The following METTL14 variants were observed in gnomAD, a reference collection of about 807,000 sequenced individuals.
METTL14 encodes methyltransferase 14, N6-adenosine-methyltransferase non-catalytic subunit, also known as N(6)-adenosine-methyltransferase non-catalytic subunit METTL14.
In METTL14, 32 loss-of-function variants were observed where a neutral mutation model predicts 62.4. That is an observed-to-expected ratio of 0.51 (90% CI 0.39 to 0.69). The LOEUF (loss-of-function observed/expected upper bound fraction) is 0.69. Among genes scored for constraint, METTL14 ranks in the 30% least tolerant of loss-of-function variants. METTL14 has a pLI of 0.00. For synonymous variants in METTL14, 150 were observed against 180.0 expected (o/e 0.83, Z 1.34); for missense variants, 340 against 551.9 (o/e 0.62, Z 3.85).
chr4:118,686,409 T>C (rs1053535334), intron 1 of METTL14: 2 of 321,852 alleles, frequency 6.2e-6, no homozygotes, highest in African/African-American at 4.3e-5. Context: ...TATTTTCCAT[T>C]CTACTATTCA....
rs185311798 is a variant in METTL14, at chr4:118,707,926, C to T, written c.1067-2072C>T. On this transcript the variant is annotated intron_variant, in intron 10 of 10. Transcript: ENST00000388822. Reference sequence around the variant, plus strand: ...TTGGCTCACTGCAACCCCCGCCTCCCAGGTTCAAGTGATTCAGCCTCCTGA... The same window carrying T: ...TTGGCTCACTGCAACCCCCGCCTCCTAGGTTCAAGTGATTCAGCCTCCTGA... Among the ~76,000 whole-genome samples the T allele has an allele frequency of 1.5e-3, 226 of 151,834 alleles. 1 individual carries two copies. The highest frequency in any genetic ancestry group is 2.8e-3 in the Non-Finnish European group (189 of 67,922).
intron 6 of METTL14, among the ~76,000 whole-genome samples, chr4:118,696,087 C>G (rs1232466116): frequency 8.2e-6 from 1 of 122,380 alleles, no homozygotes; most frequent in Non-Finnish European, 1.6e-5. Flanking sequence ...CCACTGCACT[C>G]CAGCCTGGCA....
At chr4:118,703,698 A>G (rs1202544464) in intron 8 of METTL14, among the ~76,000 whole-genome samples, 1 of 152,208 alleles carries the variant, frequency 6.6e-6, no homozygotes, top group Non-Finnish European at 1.5e-5. Flanking sequence ...ATGTTTTGAT[A>G]TTTAACTATA....
chr4:118,693,063 A>G (rs1409141256), intron 5 of METTL14, among the ~76,000 whole-genome samples: 2 of 151,912 alleles, frequency 1.3e-5, no homozygotes, highest in South Asian at 2.1e-4. Flanking sequence ...TCTGACAACT[A>G]CTCTCTTGTG....
intron 5 of METTL14, 64 bp from the exon 6 acceptor site, chr4:118,694,371 CT>C (rs901926554): frequency 3.9e-5 from 51 of 1,322,462 alleles, no homozygotes; most frequent in Non-Finnish European, 5.0e-5. Flanking sequence ...GGGCTCATAA[CT>C]TTTGAATTAC....
intron 3 of METTL14, among the ~76,000 whole-genome samples, chr4:118,689,683 G>T (rs1184660187): frequency 4.9e-5 from 7 of 144,274 alleles, no homozygotes; most frequent in Non-Finnish European, 1.0e-4. Flanking sequence ...TCGCTCTGTC[G>T]CCAGGCTGGA....
chr4:118,712,604 A>C lies in METTL14; in HGVS notation c.*2302A>C, dbSNP rs1283462027. The C allele has an allele frequency of 6.7e-6, 1 of 149,772 alleles. No homozygotes were observed. The highest frequency in any genetic ancestry group is 1.5e-5 in the Non-Finnish European group (1 of 67,436). The allele number at this position is 149,772 out of a possible 1,614,324, so 9.3% of individuals were successfully genotyped here. A position where few individuals can be genotyped will look rare whatever the true frequency, so the allele number is the denominator to read the frequency against. ...CACTGCACTCCAGCCTGGGCGACAG[A>C]GTGAGACTCTGTCTCAAAAAAAAAA... On this transcript the variant is annotated 3_prime_UTR_variant, in exon 11 of 11. Coordinates refer to ENST00000388822, the MANE Select transcript of METTL14 (RefSeq NM_020961.4).
chr4:118,708,093 G>C (rs1026690704), intron 10 of METTL14, among the ~76,000 whole-genome samples: 27 of 152,014 alleles, frequency 1.8e-4, no homozygotes, highest in Non-Finnish European at 5.9e-5. Flanking sequence ...CAAATTGCTG[G>C]GATTACAAGT....
At chr4:118,702,010 A>G (rs954799099) in intron 8 of METTL14, among the ~76,000 whole-genome samples, 2 of 151,976 alleles carry the variant, frequency 1.3e-5, no homozygotes, top group Middle Eastern at 3.2e-3. Context: ...CGAAACATAC[A>G]TGTTTTTATA....
At chr4:118,705,873 A>G in intron 10 of METTL14, 52 bp downstream of exon 10, 1 of 1,319,462 alleles carries the variant, frequency 7.6e-7, no homozygotes, top group Non-Finnish European at 1.1e-6. Flanking sequence ...TATGCATGTC[A>G]AGAAATAGGA....
At chr4:118,702,892 C>T (rs1724639578) in intron 8 of METTL14, among the ~76,000 whole-genome samples, 1 of 148,074 alleles carries the variant, frequency 6.8e-6, no homozygotes, top group South Asian at 2.1e-4. Flanking sequence ...TCAGGGGGAA[C>T]TCCCAACAGG....
At chr4:118,699,339 T>G (rs1299476849) in intron 7 of METTL14, among the ~76,000 whole-genome samples, 3 of 152,182 alleles carry the variant, frequency 2.0e-5, no homozygotes, top group Non-Finnish European at 4.4e-5. Flanking sequence ...GTTTTTCCCC[T>G]TCCCTGTTTA....
intron 3 of METTL14, 127 bp downstream of exon 3, chr4:118,689,584 A>G: frequency 3.7e-6 from 2 of 535,446 alleles, no homozygotes; most frequent in Non-Finnish European, 6.7e-6. Flanking sequence ...TGTCAGTGGC[A>G]TATGTTATCA....
At chr4:118,708,530 A>G (rs1235657582) in intron 10 of METTL14, among the ~76,000 whole-genome samples, 4 of 152,230 alleles carry the variant, frequency 2.6e-5, no homozygotes, top group African/African-American at 9.6e-5. Flanking sequence ...AAGACACAGT[A>G]TAATTAACCT....
chr4:118,708,875 A>G (rs1229116284), intron 10 of METTL14, among the ~76,000 whole-genome samples: 2 of 152,216 alleles, frequency 1.3e-5, no homozygotes, highest in Non-Finnish European at 2.9e-5. Flanking sequence ...CATGTCTGTA[A>G]GAGTCACCAC....
At chr4:118,704,920 G>C (rs1316815789) in intron 9 of METTL14, among the ~76,000 whole-genome samples, 1 of 152,112 alleles carries the variant, frequency 6.6e-6, no homozygotes. Flanking sequence ...CTGAAGGTGG[G>C]GCATTCATGT....
chr4:118,696,982 TAA>T (rs1047177003), intron 6 of METTL14, among the ~76,000 whole-genome samples, 198 bp from the exon 7 acceptor site: 3 of 152,284 alleles, frequency 2.0e-5, no homozygotes, highest in Admixed American at 2.0e-4. Context: ...GTAGATCGTT[TAA>T]GTCTATACTG....
chr4:118,708,310 T>G (rs1472334175), intron 10 of METTL14, among the ~76,000 whole-genome samples: 1 of 152,234 alleles, frequency 6.6e-6, no homozygotes. Flanking sequence ...TATTAGTTAT[T>G]TTTATTATAT....
intron 8 of METTL14, 35 bp from the exon 9 acceptor site, chr4:118,703,900 T>G: frequency 8.1e-7 from 1 of 1,230,838 alleles, no homozygotes; most frequent in Non-Finnish European, 1.1e-6. Flanking sequence ...TTTCTTTAAG[T>G]TAAGGATTTG....
Sources: allele counts gnomAD v4.1 joint callset (sites outside exome capture counted in the v4.1 genomes callset), GRCh38; gene constraint gnomAD v4.1.1; transcripts MANE v1.5; gene names NCBI Gene and HGNC (gene_info 2026-07-23, HGNC 2026-07-21).